The following NCAM2 variants were observed in gnomAD, a reference collection of about 807,000 sequenced individuals.
The protein encoded by NCAM2 is neural cell adhesion molecule 2, also known as N-CAM-2.
In NCAM2, 30 loss-of-function variants were observed where a neutral mutation model predicts 98.1. The observed-to-expected ratio is 0.31, with a 90% CI of 0.23 to 0.41. The LOEUF is 0.41. Among genes scored for constraint, NCAM2 ranks in the 10% least tolerant of loss-of-function variants. The pLI is 1.00. For synonymous variants in NCAM2, 368 were observed against 342.4 expected (o/e 1.07, Z -0.83); for missense variants, 867 against 1,005.8 (o/e 0.86, Z 1.87).
intron 1 of NCAM2, among the ~76,000 whole-genome samples, chr21:21,265,520 T>C (rs1052774874): frequency 5.1e-5 from 4 of 78,188 alleles, no homozygotes; most frequent in Admixed American, 3.7e-4. Flanking sequence ...TATATACACA[T>C]ACACACATAT....
At chr21:21,192,470 C>T (rs1282749105) in intron 1 of NCAM2, among the ~76,000 whole-genome samples, 1 of 152,038 alleles carries the variant, frequency 6.6e-6, no homozygotes, top group African/African-American at 2.4e-5. Flanking sequence ...AAACATTGAC[C>T]AAGCCTGTTG....
At chr21:21,526,997 A>T (rs556495819) in intron 16 of NCAM2, among the ~76,000 whole-genome samples, 1 of 152,226 alleles carries the variant, frequency 6.6e-6, no homozygotes, top group African/African-American at 2.4e-5. Context: ...TGACCTAAAT[A>T]TAAATCAAAA....
At chr21:21,260,333 T>TA (rs1293190376) in intron 1 of NCAM2, among the ~76,000 whole-genome samples, 4 of 151,678 alleles carry the variant, frequency 2.6e-5, no homozygotes, top group African/African-American at 9.7e-5. Flanking sequence ...GATATCCAGA[T>TA]ACAAGAAATT....
chr21:21,407,240 G>C (rs1270249808), intron 9 of NCAM2, among the ~76,000 whole-genome samples: 3 of 152,180 alleles, frequency 2.0e-5, no homozygotes, highest in African/African-American at 7.2e-5. Flanking sequence ...CCTTGCTACT[G>C]TATTGATATT....
At position 21,425,040 on chromosome 21, in the gene NCAM2, C is replaced by CAAAAAAAAAAAAAA. The variant is rs1192128472; in HGVS notation, c.1480+6486_1480+6499dup. On this transcript the variant is annotated intron_variant, in intron 11 of 17. Transcript: ENST00000400546. The stretch of plus-strand genomic sequence containing the variant: ...GACAAAAGCGGGACTCTTCCTCCTC[C>CAAAAAAAAAAAAAA]AAAAAAAAAAAAAAAAAAAAAAAAA... Among the ~76,000 whole-genome samples the CAAAAAAAAAAAAAA allele has an allele frequency of 2.1e-4, 9 of 43,850 alleles. 1 individual carries two copies. Among genetic ancestry groups the CAAAAAAAAAAAAAA allele is most frequent in the African/African-American group, 2.6e-4 (3 of 11,736 alleles). 28.8% of individuals were successfully genotyped at this position (43,850 alleles called of 152,430 possible).
chr21:21,383,788 T>G (rs536936457), intron 9 of NCAM2, among the ~76,000 whole-genome samples: 1 of 152,202 alleles, frequency 6.6e-6, no homozygotes, highest in Non-Finnish European at 1.5e-5. Flanking sequence ...TTAGTTTCAG[T>G]TTTCAGCAGT....
chr21:21,088,874 A>G (rs976254100), intron 1 of NCAM2, among the ~76,000 whole-genome samples: 37 of 151,866 alleles, frequency 2.4e-4, no homozygotes, highest in Non-Finnish European at 1.6e-4. Flanking sequence ...CGGGAGGCTG[A>G]GGCAGGAGAA....
intron 1 of NCAM2, among the ~76,000 whole-genome samples, chr21:21,053,298 G>A (rs969859217): frequency 6.6e-6 from 1 of 151,886 alleles, no homozygotes; most frequent in Non-Finnish European, 1.5e-5. Context: ...TCACTCTTAG[G>A]TTTTCTCTAA....
chr21:21,498,497 A>T (rs907296858), intron 15 of NCAM2, among the ~76,000 whole-genome samples: 1 of 152,164 alleles, frequency 6.6e-6, no homozygotes, highest in Non-Finnish European at 1.5e-5. Context: ...TCTGTAACAC[A>T]TGTTGTACCC....
chr21:21,541,822 GT>G lies in NCAM2; in HGVS notation c.*3871del, dbSNP rs1990243930. 3 of 151,564 alleles carry G rather than the reference GT, an allele frequency of 2.0e-5. No homozygotes were observed. The highest frequency in any genetic ancestry group is 7.3e-5 in the African/African-American group (3 of 41,332). 9.4% of individuals were successfully genotyped at this position (151,564 alleles called of 1,614,324 possible). ...ACATTCAACTTAAATCCCCCATGAAGTTTTTTCATGCTCATACTCATAATCA... is the reference window on the plus strand; with the variant it reads ...ACATTCAACTTAAATCCCCCATGAAGTTTTTCATGCTCATACTCATAATCA... On this transcript the variant is annotated 3_prime_UTR_variant, in exon 18 of 18. Coordinates refer to ENST00000400546, the MANE Select transcript of NCAM2 (RefSeq NM_004540.5).
At chr21:21,152,984 G>T (rs1052002117) in intron 1 of NCAM2, among the ~76,000 whole-genome samples, 13 of 151,892 alleles carry the variant, frequency 8.6e-5, no homozygotes, top group African/African-American at 3.1e-4. Flanking sequence ...ATTGTGTCTG[G>T]TAAGTGTCTC....
chr21:21,225,420 A>G (rs993210120), intron 1 of NCAM2, among the ~76,000 whole-genome samples: 2 of 152,126 alleles, frequency 1.3e-5, no homozygotes, highest in African/African-American at 4.8e-5. Flanking sequence ...AATACAAAAA[A>G]TAACAAGTAC....
chr21:21,213,802 T>C (rs1317274761), intron 1 of NCAM2, among the ~76,000 whole-genome samples: 2 of 152,140 alleles, frequency 1.3e-5, no homozygotes, highest in African/African-American at 2.4e-5. Context: ...GTACATAATC[T>C]CCTCTTTGAT....
chr21:21,190,739 C>T (rs73896603), intron 1 of NCAM2, among the ~76,000 whole-genome samples: 189 of 152,246 alleles, frequency 1.2e-3, no homozygotes, highest in African/African-American at 4.1e-3. Flanking sequence ...CACAGGATGA[C>T]TTTGGACAAC....
intron 1 of NCAM2, among the ~76,000 whole-genome samples, chr21:21,081,885 T>C (rs1022876824): frequency 2.0e-5 from 3 of 151,976 alleles, no homozygotes; most frequent in African/African-American, 7.3e-5. Flanking sequence ...ACTTTATTGA[T>C]TGCAATAAGT....
chr21:21,046,362 A>G (rs1334344019), intron 1 of NCAM2, among the ~76,000 whole-genome samples: 2 of 152,106 alleles, frequency 1.3e-5, no homozygotes, highest in Non-Finnish European at 2.9e-5. Flanking sequence ...TTTCATAGGT[A>G]TTATAATGTC....
At chr21:21,297,247 G>A (rs1249852971) in intron 5 of NCAM2, among the ~76,000 whole-genome samples, 1 of 151,692 alleles carries the variant, frequency 6.6e-6, no homozygotes. Flanking sequence ...GGTAGATTTG[G>A]TCAATAATTT....
intron 8 of NCAM2, among the ~76,000 whole-genome samples, chr21:21,368,510 T>G (rs2148026849): frequency 6.6e-6 from 1 of 151,930 alleles, no homozygotes; most frequent in South Asian, 2.1e-4. Context: ...ACAACAGAAA[T>G]TTATTTCTCA....
At chr21:21,449,069 T>A (rs1460912815) in intron 12 of NCAM2, among the ~76,000 whole-genome samples, 1 of 152,100 alleles carries the variant, frequency 6.6e-6, no homozygotes, top group East Asian at 1.9e-4. Context: ...GCTAGAAACC[T>A]CCTCACTTAT....
Sources: gnomAD v4.1 joint callset for allele counts (sites outside exome capture counted in the v4.1 genomes callset) on GRCh38, gnomAD v4.1.1 for gene constraint, MANE v1.5 for transcripts, NCBI Gene and HGNC (gene_info 2026-07-23, HGNC 2026-07-21) for gene names.